Variants in WRNIP1 observed in about 807,000 individuals in gnomAD.
WRNIP1 encodes the protein WRN helicase interacting protein 1, also known as ATPase WRNIP1.
In WRNIP1, 41 loss-of-function variants were observed where a neutral mutation model predicts 56.1. The observed-to-expected ratio is 0.73, with a 90% CI of 0.57 to 0.95. The LOEUF (loss-of-function observed/expected upper bound fraction) is 0.95, where lower values mean the gene tolerates loss of function less well. Among genes scored for constraint, WRNIP1 ranks in the 40% least tolerant of loss-of-function variants. The pLI, the probability that WRNIP1 is intolerant of heterozygous loss-of-function variation, is 0.00. For missense variants in WRNIP1, 1,170 were observed against 939.4 expected, an observed-to-expected ratio of 1.25 and a Z score of -3.21; for synonymous variants, 547 against 398.1, an observed-to-expected ratio of 1.37 and a Z score of -4.45.
At chr6:2,784,278 AGT>A (rs1316722837) in intron 5 of WRNIP1, 44 bp from the exon 6 acceptor site, 1 of 1,579,188 alleles carries the variant, frequency 6.3e-7, no homozygotes. Flanking sequence ...CCAGGAGGAC[AGT>A]GTGTGTCATG....
intron 5 of WRNIP1, among the ~76,000 whole-genome samples, chr6:2,783,923 A>G (rs765909049): frequency 1.1e-4 from 17 of 152,138 alleles, no homozygotes; most frequent in Admixed American, 1.3e-4. Context: ...ACAGCTCCCA[A>G]GGTAGAAATG....
intron 2 of WRNIP1, among the ~76,000 whole-genome samples, chr6:2,769,554 A>C (rs1034186272): frequency 1.3e-5 from 2 of 152,196 alleles, no homozygotes; most frequent in African/African-American, 4.8e-5. Flanking sequence ...ACAAAACTCT[A>C]CTGAGCCTTT....
At chr6:2,771,274 A>G (rs918392409) in intron 3 of WRNIP1, among the ~76,000 whole-genome samples, 1 of 152,156 alleles carries the variant, frequency 6.6e-6, no homozygotes, top group Non-Finnish European at 1.5e-5. Context: ...GGCTCTCCCT[A>G]TGTGTCTGGC....
intron 6 of WRNIP1, 32 bp from the exon 7 acceptor site, chr6:2,784,975 C>T (rs1581146035): frequency 4.4e-6 from 7 of 1,608,600 alleles, no homozygotes; most frequent in Non-Finnish European, 5.9e-6. Context: ...TGGCATCTTG[C>T]TAGTAAAATG....
At position 2,773,024 on chromosome 6, in the gene WRNIP1, G is replaced by T. The variant is rs1212008501; in HGVS notation, c.1256+2663G>T. 4 of 985,316 alleles carry T rather than the reference G, an allele frequency of 4.1e-6. No homozygotes were observed. In the African/African-American group the frequency reaches 7.0e-5, roughly 17 times the overall value. The allele number at this position is 985,316 out of a possible 1,614,324, so 61.0% of individuals were successfully genotyped here. ...AACATTTACAGAGAAGTCCCAGGCT[G>T]TTGAACTGCACGTGAGAGGAGGTGA... On this transcript the variant is annotated intron_variant, in intron 3 of 6. Transcript: ENST00000380773.
At chr6:2,775,064 A>G (rs1765400797) in intron 3 of WRNIP1, among the ~76,000 whole-genome samples, 1 of 152,224 alleles carries the variant, frequency 6.6e-6, no homozygotes, top group African/African-American at 2.4e-5. Context: ...CTGAGGCACA[A>G]AAAGGTTAAG....
intron 3 of WRNIP1, chr6:2,774,334 C>A: frequency 1.1e-6 from 1 of 952,264 alleles, no homozygotes; most frequent in Non-Finnish European, 1.3e-6. Context: ...AGAGCTTTAT[C>A]CTCACAGTTC....
At chr6:2,776,228 G>A (rs914397117) in intron 3 of WRNIP1, among the ~76,000 whole-genome samples, 20 of 152,122 alleles carry the variant, frequency 1.3e-4, no homozygotes, top group African/African-American at 3.1e-4. Flanking sequence ...CTTAGTAAAT[G>A]GGAGTTCAAG....
At chr6:2,782,606 C>T (rs1488007915) in intron 4 of WRNIP1, among the ~76,000 whole-genome samples, 2 of 152,238 alleles carry the variant, frequency 1.3e-5, no homozygotes, top group Non-Finnish European at 2.9e-5. Context: ...AGGGTGCCCC[C>T]TCCTTGAACT....
intron 1 of WRNIP1, among the ~76,000 whole-genome samples, chr6:2,766,687 C>G (rs1765015331): frequency 6.6e-6 from 1 of 152,226 alleles, no homozygotes; most frequent in African/African-American, 2.4e-5. Flanking sequence ...AGGACGATGT[C>G]TGTGAATCCA....
At chr6:2,772,921 T>C in intron 3 of WRNIP1, 11 of 967,702 alleles carry the variant, frequency 1.1e-5, no homozygotes, top group Non-Finnish European at 1.4e-5. Flanking sequence ...CCCCATATAC[T>C]TACTTTCTCT....
intron 3 of WRNIP1, 47 bp downstream of exon 3, chr6:2,770,408 A>T (rs1252637897): frequency 1.9e-6 from 3 of 1,605,126 alleles, no homozygotes; most frequent in East Asian, 2.2e-5. Context: ...CCTCCCAGAG[A>T]GTCTCCTGGC....
chr6:2,782,251 A>G (rs571277296), intron 4 of WRNIP1, among the ~76,000 whole-genome samples: 1 of 152,346 alleles, frequency 6.6e-6, no homozygotes, highest in Admixed American at 6.5e-5. Context: ...CAGTGTCCAT[A>G]GCACTCTGAC....
chr6:2,768,556 T>G, intron 1 of WRNIP1, 135 bp from the exon 2 acceptor site: 2 of 590,762 alleles, frequency 3.4e-6, no homozygotes, highest in South Asian at 6.7e-5. Flanking sequence ...TTTGATTGTT[T>G]CTGTGCTGCT....
At position 2,770,305 on chromosome 6, in the gene WRNIP1, C is replaced by T. The variant is rs1480646405; in HGVS notation, c.1200C>T (p.Val400=). 11 of 1,614,102 alleles carry T rather than the reference C, an allele frequency of 6.8e-6. No homozygotes were observed. Among genetic ancestry groups the T allele is most frequent in the African/African-American group, 1.3e-5 (1 of 74,934 alleles). The change falls in exon 3 of 7, where the codon GTC becomes GTT. Residue 400 remains valine, a synonymous_variant. Coordinates refer to ENST00000380773, the MANE Select transcript of WRNIP1 (RefSeq NM_020135.3). Reference sequence around the variant, plus strand: ...CGATCAACTCCCTGGGAATCCACGTCCTAGACTCTAGCCGTCCCACTGACC... The same window carrying T: ...CGATCAACTCCCTGGGAATCCACGTTCTAGACTCTAGCCGTCCCACTGACC... ...MRAINSLGIH[V]LDSSRPTDPL...
chr6:2,784,977 A>G (rs1385933710), intron 6 of WRNIP1, 30 bp from the exon 7 acceptor site: 1 of 1,609,956 alleles, frequency 6.2e-7, no homozygotes, highest in South Asian at 1.1e-5. Context: ...GCATCTTGCT[A>G]GTAAAATGTG....
chr6:2,765,530 C>T lies in WRNIP1; in HGVS notation c.-93C>T. The T allele has an allele frequency of 7.7e-7, 1 of 1,304,784 alleles. No individual in the cohort carries two copies. The highest frequency in any genetic ancestry group is 2.1e-5 in the South Asian group (1 of 48,480). 80.8% of individuals were successfully genotyped at this position (1,304,784 alleles called of 1,614,324 possible). ...CTGCTGGTTCCCCGAGCGAGGGTCTCGCGGCGCGGGGCCTAGCGGAGGGCA... is the reference window on the plus strand; with the variant it reads ...CTGCTGGTTCCCCGAGCGAGGGTCTTGCGGCGCGGGGCCTAGCGGAGGGCA... On this transcript the variant is annotated 5_prime_UTR_variant, in exon 1 of 7. Coordinates refer to ENST00000380773, the MANE Select transcript of WRNIP1 (RefSeq NM_020135.3).
chr6:2,768,169 C>T (rs1392709750), intron 1 of WRNIP1, among the ~76,000 whole-genome samples: 1 of 152,196 alleles, frequency 6.6e-6, no homozygotes, highest in Non-Finnish European at 1.5e-5. Flanking sequence ...GCAGAAGTGG[C>T]CTACAGTCAT....
At position 2,779,453 on chromosome 6, in the gene WRNIP1, G is replaced by T; in HGVS notation, c.1447G>T (p.Glu483Ter). The change falls in exon 4 of 7, where the codon GAG becomes TAG. Residue 483 changes from glutamate (E) to a stop codon, truncating the protein, a stop_gained. Transcript: ENST00000380773. LOFTEE classifies it high-confidence loss of function. ...TCTGATCACAGAGAATGACGTGAAG[G>T]AGGGCCTACAGCGATCCCACATTTT... ...RVLITENDVK[E>*]GLQRSHILYD... is the part of the protein sequence containing the mutation. The T allele has an allele frequency of 1.2e-6, 2 of 1,614,220 alleles. No homozygotes were observed. The highest frequency in any genetic ancestry group is 1.7e-6 in the Non-Finnish European group (2 of 1,180,048).
Sources: allele counts gnomAD v4.1 joint callset (sites outside exome capture counted in the v4.1 genomes callset), GRCh38; gene constraint gnomAD v4.1.1; transcripts MANE v1.5; gene names NCBI Gene and HGNC (gene_info 2026-07-23, HGNC 2026-07-21).